Variants in PCDH9 observed in about 807,000 individuals in gnomAD.
PCDH9 encodes the protein protocadherin-9.
A neutral mutation model predicts 70.6 loss-of-function variants in PCDH9; 24 were observed. The observed-to-expected ratio is 0.34, with a 90% CI of 0.25 to 0.48. PCDH9 has a LOEUF of 0.48. Among genes scored for constraint, PCDH9 ranks in the 20% least tolerant of loss-of-function variants. PCDH9 has a pLI of 0.99. For synonymous variants in PCDH9, 562 were observed against 558.5 expected (o/e 1.01, Z -0.09); for missense variants, 1,281 against 1,503.6 (o/e 0.85, Z 2.45).
intron 4 of PCDH9, among the ~76,000 whole-genome samples, chr13:66,364,276 T>C (rs1338454237): frequency 6.6e-6 from 1 of 152,222 alleles, no homozygotes; most frequent in African/African-American, 2.4e-5. Flanking sequence ...TAAGAAACTA[T>C]CTGTGATTTG....
At chr13:66,810,273 T>G (rs759505913) in intron 3 of PCDH9, among the ~76,000 whole-genome samples, 2 of 152,096 alleles carry the variant, frequency 1.3e-5, no homozygotes, top group South Asian at 2.1e-4. Context: ...ATACAGAATT[T>G]TTTTTAATTT....
At chr13:66,782,564 T>G (rs2080016690) in intron 3 of PCDH9, 1 of 152,186 alleles carries the variant, frequency 6.6e-6, no homozygotes, top group Admixed American at 6.6e-5. Flanking sequence ...TTGATATTTT[T>G]GCAGCAATTT....
chr13:67,133,124 G>A (rs2087147175), intron 2 of PCDH9, among the ~76,000 whole-genome samples: 1 of 152,026 alleles, frequency 6.6e-6, no homozygotes, highest in African/African-American at 2.4e-5. Flanking sequence ...TACAATCTAT[G>A]TATCAGCTTT....
Position 66,947,264 on chromosome 13 carries a change from T to C in PCDH9, c.3037-43659A>G, listed in dbSNP as rs375251634. Among the ~76,000 whole-genome samples the C allele has an allele frequency of 1.6e-3, 237 of 152,300 alleles. 1 individual carries two copies. Among genetic ancestry groups the C allele is most frequent in the African/African-American group, 5.6e-3 (233 of 41,572 alleles). ...ACACTTGTGCTAAAGCAATTTCACA[T>C]AGTGTTATCTAACTAAAAATAGCCA... is the stretch of plus-strand genomic sequence containing the variant. On this transcript the variant is annotated intron_variant, in intron 2 of 4. Transcript: ENST00000377865.
chr13:66,649,014 G>A (rs771640981), intron 3 of PCDH9, among the ~76,000 whole-genome samples: 38 of 152,072 alleles, frequency 2.5e-4, no homozygotes, highest in Non-Finnish European at 4.3e-4. Flanking sequence ...ACTGTCAGAA[G>A]AGACAAAAAA....
chr13:66,779,916 C>G (rs1467226203), intron 3 of PCDH9, among the ~76,000 whole-genome samples: 1 of 96,184 alleles, frequency 1.0e-5, no homozygotes, highest in Non-Finnish European at 2.2e-5. Flanking sequence ...ATATATAGAG[C>G]TAGAGAATAA....
intron 4 of PCDH9, among the ~76,000 whole-genome samples, chr13:66,363,083 G>C (rs907702195): frequency 6.6e-6 from 1 of 152,118 alleles, no homozygotes; most frequent in Non-Finnish European, 1.5e-5. Context: ...GGAGGCTGAG[G>C]CTTTAGAATC....
intron 3 of PCDH9, among the ~76,000 whole-genome samples, chr13:66,657,900 C>A (rs907974779): frequency 6.6e-6 from 1 of 152,112 alleles, no homozygotes; most frequent in Non-Finnish European, 1.5e-5. Context: ...GGTTCTGCAT[C>A]CTCAGATTCA....
intron 4 of PCDH9, among the ~76,000 whole-genome samples, chr13:66,500,353 T>C (rs996411925): frequency 2.0e-5 from 3 of 152,102 alleles, no homozygotes; most frequent in East Asian, 3.9e-4. Flanking sequence ...TTATTCCCAA[T>C]AGCCATAAAG....
intron 4 of PCDH9, among the ~76,000 whole-genome samples, chr13:66,315,468 C>T (rs1186780806): frequency 6.6e-6 from 1 of 152,158 alleles, no homozygotes; most frequent in African/African-American, 2.4e-5. Context: ...AACTGCATGG[C>T]CCAAGCCACT....
intron 2 of PCDH9, among the ~76,000 whole-genome samples, chr13:67,029,462 A>G (rs1474058310): frequency 6.6e-6 from 1 of 152,074 alleles, no homozygotes; most frequent in Non-Finnish European, 1.5e-5. Context: ...GGTATCTCCT[A>G]TGTTTTTATT....
chr13:66,991,405 C>A (rs1342263827), intron 2 of PCDH9, among the ~76,000 whole-genome samples: 2 of 151,698 alleles, frequency 1.3e-5, no homozygotes, highest in Non-Finnish European at 2.9e-5. Context: ...TAACTGTCTC[C>A]TATATATGTT....
intron 4 of PCDH9, among the ~76,000 whole-genome samples, chr13:66,362,262 A>G (rs544614302): frequency 6.6e-6 from 1 of 152,326 alleles, no homozygotes; most frequent in African/African-American, 2.4e-5. Flanking sequence ...GCTTAAAGCA[A>G]CTTATTCTCC....
intron 3 of PCDH9, among the ~76,000 whole-genome samples, chr13:66,783,425 C>G (rs939269507): frequency 6.6e-6 from 1 of 152,084 alleles, no homozygotes; most frequent in South Asian, 2.1e-4. Context: ...CTCGATCATA[C>G]TTTAACCCAA....
chr13:66,472,211 CAAAAAAAAAA>C, intron 4 of PCDH9, among the ~76,000 whole-genome samples: 1 of 112,310 alleles, frequency 8.9e-6, no homozygotes, highest in South Asian at 3.1e-4. Context: ...GACTCCATCT[CAAAAAAAAAA>C]AAAAAAGAAA....
intron 3 of PCDH9, among the ~76,000 whole-genome samples, chr13:66,747,076 G>A (rs1412312725): frequency 6.6e-6 from 1 of 152,230 alleles, no homozygotes; most frequent in East Asian, 1.9e-4. Flanking sequence ...ACCTGGCTGG[G>A]CGTGGTGGCC....
At chr13:66,386,811 G>T (rs1020745941) in intron 4 of PCDH9, among the ~76,000 whole-genome samples, 2 of 151,940 alleles carry the variant, frequency 1.3e-5, no homozygotes, top group African/African-American at 2.4e-5. Flanking sequence ...ACCAGACAGA[G>T]AACTAAAAAA....
At chr13:66,461,787 C>T (rs1398782442) in intron 4 of PCDH9, among the ~76,000 whole-genome samples, 1 of 151,750 alleles carries the variant, frequency 6.6e-6, no homozygotes, top group Non-Finnish European at 1.5e-5. Context: ...ATGTAATTTC[C>T]AGGTAAATCG....
rs1263619980 is a variant in PCDH9, at chr13:66,308,683, G to C, written c.3341-3655C>G. ...AGCTAGGGTTTTAGGGCTCTCTGAG[G>C]ACTGGCTAATTTGAATAATTTCTCA... On this transcript the variant is annotated intron_variant, in intron 4 of 4. Coordinates refer to ENST00000377865, the MANE Select transcript of PCDH9 (RefSeq NM_203487.3). Among the ~76,000 whole-genome samples, 3 of 151,938 alleles carry C rather than the reference G, an allele frequency of 2.0e-5. No individual in the cohort carries two copies. In the East Asian group the frequency reaches 5.8e-4, roughly 29 times the overall value.
Sources: gnomAD v4.1 joint callset for allele counts (sites outside exome capture counted in the v4.1 genomes callset) on GRCh38, gnomAD v4.1.1 for gene constraint, MANE v1.5 for transcripts, NCBI Gene and HGNC (gene_info 2026-07-23, HGNC 2026-07-21) for gene names.